The following PCSK6 variants were observed in gnomAD, a reference collection of about 807,000 sequenced individuals.
PCSK6 encodes paired basic amino acid cleaving enzyme 4.
Under a neutral mutation model 123.3 loss-of-function variants are expected in PCSK6, and 85 were observed. The ratio of observed to expected loss-of-function variants is 0.69; its 90% CI spans 0.58 to 0.83. The LOEUF (loss-of-function observed/expected upper bound fraction) is 0.83, where lower values mean the gene tolerates loss of function less well. Among genes scored for constraint, PCSK6 ranks in the 40% least tolerant of loss-of-function variants. The pLI, the probability that PCSK6 is intolerant of heterozygous loss-of-function variation, is 0.00. For synonymous variants in PCSK6, 508 were observed against 516.0 expected (o/e 0.98, Z 0.21); for missense variants, 1,191 against 1,282.3 (o/e 0.93, Z 1.09).
chr15:101,467,175 T>C (rs1426882853), intron 1 of PCSK6, among the ~76,000 whole-genome samples: 1 of 152,140 alleles, frequency 6.6e-6, no homozygotes. Flanking sequence ...ATATGCCGTA[T>C]ATGTACACCC....
intron 13 of PCSK6, among the ~76,000 whole-genome samples, chr15:101,340,944 A>AAT (rs1460493561): frequency 6.7e-6 from 1 of 149,582 alleles, no homozygotes; most frequent in African/African-American, 2.5e-5. Context: ...GCTTCTCCCA[A>AAT]ATTTTTTTTT....
At chr15:101,471,573 C>T (rs1197226088) in intron 1 of PCSK6, among the ~76,000 whole-genome samples, 2 of 152,242 alleles carry the variant, frequency 1.3e-5, no homozygotes, top group African/African-American at 4.8e-5. Flanking sequence ...AGTATCAGTA[C>T]ACAACATACA....
intron 6 of PCSK6, among the ~76,000 whole-genome samples, chr15:101,419,622 G>T (rs1461589477): frequency 2.0e-5 from 3 of 150,132 alleles, no homozygotes; most frequent in Admixed American, 6.6e-5. Context: ...AGTAATTTTT[G>T]AAAAGGAACC....
chr15:101,443,098 A>T (rs573998054), intron 2 of PCSK6, among the ~76,000 whole-genome samples: 1 of 152,396 alleles, frequency 6.6e-6, no homozygotes, highest in Admixed American at 6.5e-5. Flanking sequence ...GTTAAAATTT[A>T]AAATGTTAGC....
At chr15:101,470,627 A>G (rs1052960008) in intron 1 of PCSK6, among the ~76,000 whole-genome samples, 4 of 152,206 alleles carry the variant, frequency 2.6e-5, no homozygotes, top group African/African-American at 9.7e-5. Flanking sequence ...TCTATAAATA[A>G]AAGTAGCTCC....
intron 13 of PCSK6, among the ~76,000 whole-genome samples, chr15:101,343,384 T>A (rs1472111335): frequency 1.3e-5 from 2 of 152,138 alleles, no homozygotes; most frequent in African/African-American, 4.8e-5. Context: ...CCTTCTTTCT[T>A]CATTCTTTAT....
At chr15:101,343,088 T>C (rs1169771178) in intron 13 of PCSK6, among the ~76,000 whole-genome samples, 1 of 152,250 alleles carries the variant, frequency 6.6e-6, no homozygotes, top group Non-Finnish European at 1.5e-5. Flanking sequence ...ATTTCTTTAA[T>C]AGGACAATTT....
intron 1 of PCSK6, among the ~76,000 whole-genome samples, chr15:101,453,557 C>T (rs1054110166): frequency 2.0e-5 from 3 of 152,176 alleles, no homozygotes; most frequent in Non-Finnish European, 4.4e-5. Context: ...TGAACTCTTC[C>T]AGAGAAGCCA....
chr15:101,439,076 A>G lies in PCSK6; in HGVS notation c.402+4480T>C, dbSNP rs527919818. Among the ~76,000 whole-genome samples the G allele has an allele frequency of 3.3e-5, 5 of 152,346 alleles. No homozygotes were observed. In the South Asian group the frequency reaches 1.0e-3, roughly 32 times the overall value. On this transcript the variant is annotated intron_variant, in intron 2 of 21. Transcript: ENST00000611716. ...GCAAGGATGCCCACATGAGGCCAGC[A>G]AGGAGGGCAGTGCAGTGGTGCAGGC...
At chr15:101,444,342 T>A (rs1317512544) in intron 1 of PCSK6, among the ~76,000 whole-genome samples, 1 of 152,180 alleles carries the variant, frequency 6.6e-6, no homozygotes, top group Non-Finnish European at 1.5e-5. Context: ...CAGCTTGTCC[T>A]CACGTCTGTC....
chr15:101,347,786 C>A (rs773558745), intron 13 of PCSK6: 1 of 1,610,292 alleles, frequency 6.2e-7, no homozygotes, highest in South Asian at 1.1e-5. Context: ...CCCTGGAAAA[C>A]AAGGGACTGA....
At chr15:101,373,838 T>C (rs879375817) in intron 11 of PCSK6, among the ~76,000 whole-genome samples, 1 of 152,254 alleles carries the variant, frequency 6.6e-6, no homozygotes, top group African/African-American at 2.4e-5. Flanking sequence ...AGTTAAACAA[T>C]GTGCAGAGAT....
intron 20 of PCSK6, among the ~76,000 whole-genome samples, chr15:101,309,835 G>C (rs1478332940): frequency 1.3e-5 from 2 of 152,132 alleles, no homozygotes; most frequent in Non-Finnish European, 2.9e-5. Flanking sequence ...GAGGGTGTCC[G>C]GCCCCTCTCT....
intron 2 of PCSK6, among the ~76,000 whole-genome samples, chr15:101,441,289 A>G (rs566183493): frequency 6.4e-4 from 97 of 152,286 alleles, no homozygotes; most frequent in African/African-American, 2.1e-3. Context: ...AACACACCTA[A>G]AATGGGTCAA....
At chr15:101,434,252 G>C (rs948849147) in intron 2 of PCSK6, among the ~76,000 whole-genome samples, 1 of 152,024 alleles carries the variant, frequency 6.6e-6, no homozygotes, top group East Asian at 1.9e-4. Flanking sequence ...AAAGCTCCCA[G>C]GGATGTCCCG....
At chr15:101,451,535 G>A (rs1596347255) in intron 1 of PCSK6, among the ~76,000 whole-genome samples, 1 of 152,032 alleles carries the variant, frequency 6.6e-6, no homozygotes, top group Non-Finnish European at 1.5e-5. Context: ...TGAATGGACT[G>A]CAGATGAGGC....
At chr15:101,437,943 G>A (rs999756385) in intron 2 of PCSK6, among the ~76,000 whole-genome samples, 2 of 152,118 alleles carry the variant, frequency 1.3e-5, no homozygotes, top group Admixed American at 6.5e-5. Flanking sequence ...AGGTAGTTAC[G>A]TTAATATGAG....
intron 6 of PCSK6, among the ~76,000 whole-genome samples, chr15:101,400,358 C>G (rs1318858663): frequency 6.6e-6 from 1 of 152,250 alleles, no homozygotes; most frequent in East Asian, 1.9e-4. Context: ...CTGGCCCAGG[C>G]AGCTTCCTTC....
rs1458089106 is a variant in PCSK6, at chr15:101,331,696, G to A, written c.2039-7C>T. 1 of 1,612,456 alleles carries A rather than the reference G, an allele frequency of 6.2e-7. No individual in the cohort carries two copies. On this transcript the variant is annotated splice_region_variant and splice_polypyrimidine_tract_variant and intron_variant, in intron 14 of 21. Coordinates refer to ENST00000611716, the MANE Select transcript of PCSK6 (RefSeq NM_002570.5). ...GAGCCTGGGGTGGATTGAGCTGTGT[G>A]AGTGCAAATTGCCATGATTATTATG...
Sources: gnomAD v4.1 joint callset for allele counts (sites outside exome capture counted in the v4.1 genomes callset) on GRCh38, gnomAD v4.1.1 for gene constraint, MANE v1.5 for transcripts, NCBI Gene and HGNC (gene_info 2026-07-23, HGNC 2026-07-21) for gene names.